Variants in CDH13 observed in about 807,000 individuals in gnomAD.
The protein encoded by CDH13 is cadherin 13.
CDH13 carries 24 observed loss-of-function variants against 63.8 expected under a neutral mutation model. That is an observed-to-expected ratio of 0.38 (90% CI 0.27 to 0.53). The LOEUF (loss-of-function observed/expected upper bound fraction) is 0.53, where lower values mean the gene tolerates loss of function less well. CDH13 is among the 20% of genes least tolerant of loss of function. The probability of loss-of-function intolerance (pLI) is 0.85; values close to 1 mark genes in which losing one functional copy is unlikely to be tolerated. For synonymous variants in CDH13, 503 were observed against 355.3 expected, an observed-to-expected ratio of 1.42 and a Z score of -4.67; for missense variants, 1,049 against 903.1, an observed-to-expected ratio of 1.16 and a Z score of -2.07.
chr16:83,417,892 G>A (rs2071600341), intron 6 of CDH13, among the ~76,000 whole-genome samples: 1 of 152,276 alleles, frequency 6.6e-6, no homozygotes, highest in East Asian at 1.9e-4. Context: ...CAACTGGAGA[G>A]AGAGAGAAAG....
At chr16:82,884,794 A>G (rs1047463266) in intron 2 of CDH13, among the ~76,000 whole-genome samples, 1 of 152,200 alleles carries the variant, frequency 6.6e-6, no homozygotes, top group African/African-American at 2.4e-5. Flanking sequence ...TTTGGATAAA[A>G]ATCCTTTTTG....
intron 1 of CDH13, among the ~76,000 whole-genome samples, chr16:82,853,527 T>C (rs2151157473): frequency 6.6e-6 from 1 of 152,308 alleles, no homozygotes; most frequent in South Asian, 2.1e-4. Flanking sequence ...TACTCCTGCT[T>C]TTCAGCTTAG....
rs1247815842 is a variant in CDH13 at position 83,047,370 on chromosome 16, G to T, written c.366+15152G>T. Among the ~76,000 whole-genome samples, 1 of 152,132 alleles carries T rather than the reference G, an allele frequency of 6.6e-6. No homozygotes were observed. Among genetic ancestry groups the T allele is most frequent in the Non-Finnish European group, 1.5e-5 (1 of 68,022 alleles). ...GTTAACACAGATAATTGAGACTTGA[G>T]TGCTTTTTTATTCCAAGTCCCTTAT... On this transcript the variant is annotated intron_variant, in intron 3 of 13. Transcript: ENST00000567109. The surrounding 1 kb of genome is among the most constrained non-coding windows in gnomAD (Gnocchi z 4.9).
At chr16:83,049,904 A>C (rs2030102235) in intron 3 of CDH13, among the ~76,000 whole-genome samples, 1 of 152,236 alleles carries the variant, frequency 6.6e-6, no homozygotes, top group African/African-American at 2.4e-5. Flanking sequence ...TATGAGTTAC[A>C]TAATTTACAA....
At chr16:83,016,535 A>G (rs1053887741) in intron 2 of CDH13, among the ~76,000 whole-genome samples, 8 of 152,188 alleles carry the variant, frequency 5.3e-5, no homozygotes, top group African/African-American at 1.9e-4. Flanking sequence ...AAAATTTTCA[A>G]GGTGTGGAAG....
intron 5 of CDH13, among the ~76,000 whole-genome samples, chr16:83,318,387 C>T (rs2090149888): frequency 6.6e-6 from 1 of 152,158 alleles, no homozygotes; most frequent in Non-Finnish European, 1.5e-5. Flanking sequence ...TAATTAAAGT[C>T]ATTTCTACTG....
At chr16:83,330,788 C>T (rs1214317199) in intron 5 of CDH13, among the ~76,000 whole-genome samples, 2 of 152,166 alleles carry the variant, frequency 1.3e-5, no homozygotes, top group African/African-American at 4.8e-5. Flanking sequence ...GAACAGGGGA[C>T]TTGGTCACAT....
At chr16:83,535,881 G>T (rs951785500) in intron 7 of CDH13, among the ~76,000 whole-genome samples, 2 of 148,202 alleles carry the variant, frequency 1.3e-5, no homozygotes, top group African/African-American at 2.5e-5. Context: ...GAGAGGAAGA[G>T]AAAGAGAAAC....
intron 1 of CDH13, among the ~76,000 whole-genome samples, chr16:82,681,600 A>G (rs1046763576): frequency 6.6e-6 from 1 of 152,206 alleles, no homozygotes; most frequent in African/African-American, 2.4e-5. Context: ...CGTATCTGAC[A>G]CTTTCTTGCT....
intron 1 of CDH13, among the ~76,000 whole-genome samples, chr16:82,846,291 A>C (rs2039251946): frequency 6.6e-6 from 1 of 152,178 alleles, no homozygotes; most frequent in South Asian, 2.1e-4. Flanking sequence ...CTTCTTCTTT[A>C]TTTCCACAAT....
At position 82,644,765 on chromosome 16, in the gene CDH13, C is replaced by T. The variant is rs974966942; in HGVS notation, c.45+17628C>T. Among the ~76,000 whole-genome samples, 4 of 152,088 alleles carry T rather than the reference C, an allele frequency of 2.6e-5. No homozygotes were observed. The highest frequency in any genetic ancestry group is 5.9e-5 in the Non-Finnish European group (4 of 68,028). Reference sequence around the variant, plus strand: ...GCTCCCTCTGATTCTTAAAGCCTTTCCAGGTAGCAACAGGAGATCACGCAA... The same window carrying T: ...GCTCCCTCTGATTCTTAAAGCCTTTTCAGGTAGCAACAGGAGATCACGCAA... On this transcript the variant is annotated intron_variant, in intron 1 of 13. Coordinates refer to ENST00000567109, the MANE Select transcript of CDH13 (RefSeq NM_001257.5). The surrounding 1 kb of genome is among the most constrained non-coding windows in gnomAD (Gnocchi z 5.7).
chr16:83,056,492 C>T (rs1018318352), intron 3 of CDH13, among the ~76,000 whole-genome samples: 1 of 151,898 alleles, frequency 6.6e-6, no homozygotes, highest in African/African-American at 2.4e-5. Flanking sequence ...TTATTATGCT[C>T]AAAAATATGG....
intron 8 of CDH13, among the ~76,000 whole-genome samples, chr16:83,622,884 C>T (rs186112434): frequency 1.2e-4 from 18 of 152,282 alleles, no homozygotes; most frequent in Non-Finnish European, 1.6e-4. Context: ...AGGCTGCGGG[C>T]TGAAGGCTGG....
intron 2 of CDH13, among the ~76,000 whole-genome samples, chr16:82,863,810 C>A (rs918328622): frequency 3.3e-5 from 5 of 152,030 alleles, no homozygotes; most frequent in Non-Finnish European, 7.4e-5. Flanking sequence ...GGTGAAGAAG[C>A]GACTAAAGCA....
intron 1 of CDH13, among the ~76,000 whole-genome samples, chr16:82,739,937 T>C (rs1188994261): frequency 2.0e-5 from 3 of 152,222 alleles, no homozygotes; most frequent in Admixed American, 6.5e-5. Flanking sequence ...GTCAAACACA[T>C]AGATTCTACA....
chr16:83,287,138 C>G (rs559650904), intron 5 of CDH13, among the ~76,000 whole-genome samples: 1 of 152,278 alleles, frequency 6.6e-6, no homozygotes, highest in African/African-American at 2.4e-5. Context: ...CTGCAAATGT[C>G]AGTGGAATGT....
chr16:83,141,437 T>G (rs2036524904), intron 4 of CDH13, among the ~76,000 whole-genome samples: 1 of 152,222 alleles, frequency 6.6e-6, no homozygotes, highest in African/African-American at 2.4e-5. Context: ...TCATTTCTAC[T>G]GAGACTAATC....
chr16:83,393,332 G>C (rs186464930), intron 6 of CDH13, among the ~76,000 whole-genome samples: 1 of 152,292 alleles, frequency 6.6e-6, no homozygotes, highest in East Asian at 1.9e-4. Flanking sequence ...GGAACGTGCA[G>C]TTACTGCAGA....
chr16:83,673,396 C>T (rs1914685929), intron 9 of CDH13, among the ~76,000 whole-genome samples: 1 of 152,076 alleles, frequency 6.6e-6, no homozygotes, highest in African/African-American at 2.4e-5. Context: ...CTCCTCGCTC[C>T]AGACCTATAA....
Sources: gnomAD v4.1 joint callset for allele counts (sites outside exome capture counted in the v4.1 genomes callset) on GRCh38, gnomAD v4.1.1 for gene constraint, Gnocchi (gnomAD v3.1) non-coding constraint, MANE v1.5 for transcripts, NCBI Gene and HGNC (gene_info 2026-07-23, HGNC 2026-07-21) for gene names.